Variants in ZSCAN25 observed in about 807,000 individuals in gnomAD.
The protein encoded by ZSCAN25 is zinc finger and SCAN domain-containing protein 25.
A neutral mutation model predicts 38.7 loss-of-function variants in ZSCAN25; 27 were observed. That is an observed-to-expected ratio of 0.70 (90% CI 0.51 to 0.96). The LOEUF is 0.96. ZSCAN25 is among the 40% of genes least tolerant of loss of function. The pLI is 0.00. For synonymous variants in ZSCAN25, 273 were observed against 277.7 expected, an observed-to-expected ratio of 0.98 and a Z score of 0.17; for missense variants, 637 against 705.9, an observed-to-expected ratio of 0.90 and a Z score of 1.11.
At chr7:99,621,788 T>TG in intron 5 of ZSCAN25, 1 of 394,934 alleles carries the variant, frequency 2.5e-6, no homozygotes, top group Non-Finnish European at 4.5e-6. Context: ...TCTGGGATCA[T>TG]GCTTTCTTAT....
the ZSCAN25 span, chr7:99,638,413 T>G: frequency 1.9e-6 from 3 of 1,586,730 alleles, no homozygotes; most frequent in Non-Finnish European, 2.6e-6. Context: ...TTGGTGAAGA[T>G]GAGGATTATG....
At chr7:99,722,171 CTGTT>C in the ZSCAN25 span, 10 of 1,195,146 alleles carry the variant, frequency 8.4e-6, no homozygotes, top group Non-Finnish European at 1.1e-5. Context: ...GAAAACCTCT[CTGTT>C]TGTAGTTAGG....
chr7:99,671,807 TAGGACAGC>T, the ZSCAN25 span: 1 of 702,894 alleles, frequency 1.4e-6, no homozygotes, highest in Admixed American at 2.0e-5. Flanking sequence ...GTTGTGACTG[TAGGACAGC>T]AGGAGGGAGC....
the ZSCAN25 span, among the ~76,000 whole-genome samples, chr7:99,684,586 A>C: frequency 6.6e-6 from 1 of 152,186 alleles, no homozygotes; most frequent in Non-Finnish European, 1.5e-5. Flanking sequence ...CCACACCAAC[A>C]ATGGTTACAA....
chr7:99,655,819 G>A, the ZSCAN25 span, among the ~76,000 whole-genome samples: 1 of 152,066 alleles, frequency 6.6e-6, no homozygotes, highest in East Asian at 1.9e-4. Context: ...GAATTCCTAG[G>A]TATTTTATTG....
chr7:99,623,008 G>A (rs930778403), intron 6 of ZSCAN25, among the ~76,000 whole-genome samples: 5 of 151,988 alleles, frequency 3.3e-5, no homozygotes, highest in South Asian at 2.1e-4. Context: ...GGGTTTCACC[G>A]TGTTAGCCAG....
In ZSCAN25 at chr7:99,631,904, C is replaced by T. The variant is rs941128010; in HGVS notation, c.*1884C>T. 26 of 985,298 alleles carry T rather than the reference C, an allele frequency of 2.6e-5. No individual in the cohort carries two copies. The highest frequency in any genetic ancestry group is 3.5e-5 in the African/African-American group (2 of 57,218). 61.0% of individuals were successfully genotyped at this position (985,298 alleles called of 1,614,324 possible). On this transcript the variant is annotated 3_prime_UTR_variant, in exon 8 of 8. Transcript: ENST00000394152. ...CATGCAAAATCAGCTTTTTTTCCCC[C>T]GTAATTATCAGAGCAGCTAGGCAGG...
At chr7:99,686,674 G>A in the ZSCAN25 span, among the ~76,000 whole-genome samples, 588 of 152,264 alleles carry the variant, frequency 3.9e-3, 5 homozygotes, top group African/African-American at 0.011. Flanking sequence ...CTCCCAGCAC[G>A]CAGCTGGAGA....
At chr7:99,658,901 C>G in the ZSCAN25 span, 15 of 152,236 alleles carry the variant, frequency 9.9e-5, no homozygotes, top group Non-Finnish European at 1.8e-4. Flanking sequence ...GCATTCATCA[C>G]GTAGTTCTCG....
chr7:99,622,409 A>G (rs1807058376), intron 5 of ZSCAN25, 140 bp from the exon 6 acceptor site: 1 of 802,324 alleles, frequency 1.2e-6, no homozygotes, highest in Non-Finnish European at 2.2e-6. Context: ...AAAGTGTGGT[A>G]CCAGAGTGAA....
the ZSCAN25 span, chr7:99,715,358 C>T: frequency 1.3e-4 from 32 of 243,610 alleles, 1 homozygote; most frequent in African/African-American, 3.7e-4. Context: ...ACACAGTAAA[C>T]GGAGAAGGGC....
chr7:99,670,814 T>C, the ZSCAN25 span: 1 of 152,202 alleles, frequency 6.6e-6, no homozygotes, highest in Non-Finnish European at 1.5e-5. Context: ...CCTTGAGAAC[T>C]CACTGAGAAT....
chr7:99,712,259 G>A, the ZSCAN25 span, among the ~76,000 whole-genome samples: 1 of 152,144 alleles, frequency 6.6e-6, no homozygotes, highest in East Asian at 1.9e-4. Flanking sequence ...ACAGAGCTGT[G>A]ATTTACCAGT....
In ZSCAN25 at chr7:99,622,553, A is replaced by C. The variant is rs897455242; in HGVS notation, c.594A>C (p.Leu198=). The C allele has an allele frequency of 5.6e-6, 9 of 1,614,112 alleles. No homozygotes were observed. The highest frequency in any genetic ancestry group is 7.6e-6 in the Non-Finnish European group (9 of 1,180,010). Residue 198 remains leucine, a synonymous_variant, in exon 6 of 8, where the codon CTA becomes CTC. Coordinates refer to ENST00000394152, the MANE Select transcript of ZSCAN25 (RefSeq NM_145115.3). ...DETRAFQEQA[L]PVLQAGPGLP... ...ATGCTTTTTGTCCCTGCTCAGCACT[A>C]CCTGTTCTGCAGGCGGGTCCTGGCC...
At chr7:99,670,221 G>C in the ZSCAN25 span, among the ~76,000 whole-genome samples, 1 of 152,174 alleles carries the variant, frequency 6.6e-6, no homozygotes, top group African/African-American at 2.4e-5. Context: ...ACTTGACAAT[G>C]AAAACTGGCT....
At chr7:99,735,255 C>T in the ZSCAN25 span, 25 of 945,434 alleles carry the variant, frequency 2.6e-5, no homozygotes, top group Non-Finnish European at 3.6e-5. Flanking sequence ...GCTGGAGCTG[C>T]AGCCAGTAGC....
the ZSCAN25 span, chr7:99,672,488 T>C: frequency 1.8e-6 from 2 of 1,127,356 alleles, no homozygotes; most frequent in Non-Finnish European, 2.7e-6. Context: ...GTACATTTTT[T>C]AGGTAACCTT....
At chr7:99,707,603 C>T in the ZSCAN25 span, among the ~76,000 whole-genome samples, 7 of 152,180 alleles carry the variant, frequency 4.6e-5, no homozygotes, top group African/African-American at 1.7e-4. Context: ...TGCTAGTCTA[C>T]ATTGACATTG....
rs1806505078 is a variant in ZSCAN25 at position 99,616,999 on chromosome 7, C to CCTTCAGGGCCGCGGCGGGTGAGAGCCT, written c.-263_-259+22dup. 1 of 152,228 alleles carries CCTTCAGGGCCGCGGCGGGTGAGAGCCT rather than the reference C, an allele frequency of 6.6e-6. No homozygotes were observed. The allele number at this position is 152,228 out of a possible 1,614,324, so 9.4% of individuals were successfully genotyped here. A position where few individuals can be genotyped will look rare whatever the true frequency, so the allele number is the denominator to read the frequency against. ...CTGGCGACCCTAGCGGGTGAGAGGC[C>CCTTCAGGGCCGCGGCGGGTGAGAGCCT]CTTCAGGGCCGCGGCGGGTGAGAGC... is the stretch of plus-strand genomic sequence containing the variant. On this transcript the variant is annotated 5_prime_UTR_variant, in exon 1 of 8. Transcript: ENST00000394152.
Sources: allele counts gnomAD v4.1 joint callset (sites outside exome capture counted in the v4.1 genomes callset), GRCh38; gene constraint gnomAD v4.1.1; transcripts MANE v1.5; gene names NCBI Gene and HGNC (gene_info 2026-07-23, HGNC 2026-07-21).